The following SAFB variants were observed in gnomAD, a reference collection of about 807,000 sequenced individuals.
SAFB encodes the protein scaffold attachment factor B.
Under a neutral mutation model 101.6 loss-of-function variants are expected in SAFB, and 15 were observed. The observed-to-expected ratio is 0.15, with a 90% CI of 0.10 to 0.23. The LOEUF (loss-of-function observed/expected upper bound fraction) is 0.23. Ranked by LOEUF, SAFB falls within the 10% of genes least tolerant of loss-of-function variation. SAFB has a pLI of 1.00. For missense variants in SAFB, 930 were observed against 1,104.1 expected (o/e 0.84, Z 2.23); for synonymous variants, 449 against 407.5 (o/e 1.10, Z -1.23).
At chr19:5,632,706 A>G (rs2053516155) in intron 2 of SAFB, among the ~76,000 whole-genome samples, 1 of 152,318 alleles carries the variant, frequency 6.6e-6, no homozygotes, top group African/African-American at 2.4e-5. Flanking sequence ...TACGCTTGTC[A>G]GAAATACACC....
chr19:5,623,463 C>T, intron 1 of SAFB, 69 bp downstream of exon 1: 2 of 1,367,556 alleles, frequency 1.5e-6, no homozygotes, highest in South Asian at 1.4e-5. Context: ...CGGTGGCTCG[C>T]GGGCCCTGGC....
chr19:5,651,133 T>C, intron 9 of SAFB, 61 bp downstream of exon 9: 2 of 1,041,956 alleles, frequency 1.9e-6, no homozygotes, highest in African/African-American at 1.6e-5. Context: ...GGCCTTTACA[T>C]GGAGGTCCTC....
intron 15 of SAFB, among the ~76,000 whole-genome samples, chr19:5,663,165 G>A (rs1335062765): frequency 6.6e-6 from 1 of 151,410 alleles, no homozygotes. Flanking sequence ...ACCACACCCG[G>A]CTAATTTTTT....
rs1017687526 is a variant in SAFB at position 5,638,824 on chromosome 19, C to T, written c.275-2770C>T. 9.4e-5 allele frequency among the ~76,000 whole-genome samples: 14 copies of T among 149,688 alleles called. 1 individual carries two copies. The highest frequency in any genetic ancestry group is 3.4e-3 in the Middle Eastern group (1 of 290). On this transcript the variant is annotated intron_variant, in intron 2 of 20. Transcript: ENST00000588852. The stretch of plus-strand genomic sequence containing the variant: ...GCAATTTCCACTTCCCGGGTTCAAG[C>T]GATTCTCCTGCCTCATCCTCCCCAA...
chr19:5,647,929 T>C, intron 5 of SAFB, 87 bp from the exon 6 acceptor site: 1 of 1,230,984 alleles, frequency 8.1e-7, no homozygotes, highest in East Asian at 2.3e-5. Flanking sequence ...TTTTTAAAAT[T>C]CCCTCTTTAG....
intron 4 of SAFB, among the ~76,000 whole-genome samples, 154 bp from the exon 5 acceptor site, chr19:5,645,183 C>T (rs556462790): frequency 6.6e-6 from 1 of 152,296 alleles, no homozygotes; most frequent in South Asian, 2.1e-4. Context: ...AGTTTAGCTG[C>T]AATTATACTA....
At chr19:5,657,494 G>C in intron 14 of SAFB, 147 bp downstream of exon 14, 1 of 588,658 alleles carries the variant, frequency 1.7e-6, no homozygotes, top group East Asian at 3.0e-5. Flanking sequence ...GACTTGTTAT[G>C]TTTTAACTTT....
chr19:5,623,446 G>C lies in SAFB; in HGVS notation c.189+52G>C, dbSNP rs1346746317. On this transcript the variant is annotated intron_variant, in intron 1 of 20. Coordinates refer to ENST00000588852, the MANE Select transcript of SAFB (RefSeq NM_001201338.2). ...ACAGGGTGGGTCTGGGGTCCTCTTG[G>C]CCGCGACGGTGGCTCGCGGGCCCTG... 3 of 1,499,154 alleles carry C rather than the reference G, an allele frequency of 2.0e-6. No homozygotes were observed. In the African/African-American group the frequency reaches 4.3e-5, roughly 22 times the overall value. 92.9% of individuals were successfully genotyped at this position (1,499,154 alleles called of 1,614,324 possible).
At chr19:5,647,473 AC>A (rs968035403) in intron 5 of SAFB, among the ~76,000 whole-genome samples, 1 of 152,136 alleles carries the variant, frequency 6.6e-6, no homozygotes, top group Non-Finnish European at 1.5e-5. Flanking sequence ...AGTCTGAATG[AC>A]TTCTAGAACT....
rs1157755562 is a variant in SAFB at position 5,668,156 on chromosome 19, TC to T, written c.2625-4del. 3 of 1,606,238 alleles carry T rather than the reference TC, an allele frequency of 1.9e-6. No homozygotes were observed. Among genetic ancestry groups the T allele is most frequent in the Non-Finnish European group, 2.5e-6 (3 of 1,177,222 alleles). On this transcript the variant is annotated splice_polypyrimidine_tract_variant and splice_region_variant and intron_variant, in intron 20 of 20. Coordinates refer to ENST00000588852, the MANE Select transcript of SAFB (RefSeq NM_001201338.2). Reference sequence around the variant, plus strand: ...CGCAGTCAAACCAATGTGAATTTGTTCCTAGGCGCGGCAGCTTTGCCCCAGG... The same window carrying T: ...CGCAGTCAAACCAATGTGAATTTGTTCTAGGCGCGGCAGCTTTGCCCCAGG...
Position 5,651,062 on chromosome 19 carries a change from A to T in SAFB, c.1283A>T (p.Lys428Ile). Reference protein sequence around the residue: ...RATDLKNLFSKYGKVVGAKVV... With the variant: ...RATDLKNLFSIYGKVVGAKVV... The stretch of plus-strand genomic sequence containing the variant: ...ACAGATTTGAAGAATCTTTTCAGCA[A>T]ATATGGGAAGGTAAGTGCCAGAGCT... Residue 428 changes from lysine to isoleucine, a missense_variant, in exon 9 of 21, where the codon AAA becomes ATA. Coordinates refer to ENST00000588852, the MANE Select transcript of SAFB (RefSeq NM_001201338.2). 1 of 1,603,578 alleles carries T rather than the reference A, an allele frequency of 6.2e-7. No individual in the cohort carries two copies. Among genetic ancestry groups the T allele is most frequent in the Non-Finnish European group, 8.5e-7 (1 of 1,173,236 alleles).
At chr19:5,624,371 C>G (rs1271440123) in intron 1 of SAFB, among the ~76,000 whole-genome samples, 1 of 152,140 alleles carries the variant, frequency 6.6e-6, no homozygotes, top group African/African-American at 2.4e-5. Flanking sequence ...CGCTTTTCCT[C>G]TCTGTGCCAC....
intron 2 of SAFB, among the ~76,000 whole-genome samples, chr19:5,629,555 C>T (rs2053444113): frequency 6.6e-6 from 1 of 152,074 alleles, no homozygotes; most frequent in South Asian, 2.1e-4. Flanking sequence ...TGAATAAATA[C>T]ACAATTTAGC....
At position 5,641,844 on chromosome 19, in the gene SAFB, C is replaced by T. The variant is rs745473423; in HGVS notation, c.444C>T (p.Val148=). ...EIDNGSVADC[V]EDDDADNLQE... ...ATAATGGAAGCGTTGCAGATTGTGT[C>T]GAAGACGATGATGCTGATAACCTCC... Residue 148 remains valine, a synonymous_variant, in exon 4 of 21, where the codon GTC becomes GTT. Coordinates refer to ENST00000588852, the MANE Select transcript of SAFB (RefSeq NM_001201338.2). 321 of 1,613,882 alleles carry T rather than the reference C, an allele frequency of 2.0e-4. No individual in the cohort carries two copies. The highest frequency in any genetic ancestry group is 2.6e-4 in the Non-Finnish European group (308 of 1,179,964).
chr19:5,623,678 C>CCCCT (rs1275757161), intron 1 of SAFB, among the ~76,000 whole-genome samples: 1 of 152,118 alleles, frequency 6.6e-6, no homozygotes, highest in Non-Finnish European at 1.5e-5. Flanking sequence ...GGAGGGTTCT[C>CCCCT]CCCTCGTCTC....
At position 5,668,375 on chromosome 19, in the gene SAFB, T is replaced by C; in HGVS notation, c.*84T>C. ...CCTTAAACTGTGTAAAAATATTTTT[T>C]TTTAATCTGCTGCCATATTGTAGCT... On this transcript the variant is annotated 3_prime_UTR_variant, in exon 21 of 21. Transcript: ENST00000588852. 2.1e-6 allele frequency: 3 copies of C among 1,459,350 alleles called. No individual in the cohort carries two copies. Among genetic ancestry groups the C allele is most frequent in the Non-Finnish European group, 1.8e-6 (2 of 1,096,992 alleles). 90.4% of individuals were successfully genotyped at this position (1,459,350 alleles called of 1,614,324 possible). A position where few individuals can be genotyped will look rare whatever the true frequency, so the allele number is the denominator to read the frequency against.
At chr19:5,656,209 TC>T (rs78281872) in intron 13 of SAFB, among the ~76,000 whole-genome samples, 2 of 152,288 alleles carry the variant, frequency 1.3e-5, no homozygotes, top group East Asian at 3.9e-4. Flanking sequence ...ACCTGATTCT[TC>T]CTGTTCCCCT....
At chr19:5,666,060 C>G (rs1422779636) in intron 17 of SAFB, 2 of 152,170 alleles carry the variant, frequency 1.3e-5, no homozygotes, top group African/African-American at 4.8e-5. Context: ...AACAACCAGC[C>G]TGTGTCAAGG....
chr19:5,655,196 T>C (rs2054028933), intron 13 of SAFB, among the ~76,000 whole-genome samples: 1 of 152,108 alleles, frequency 6.6e-6, no homozygotes, highest in Non-Finnish European at 1.5e-5. Flanking sequence ...TGGTGGCTCA[T>C]GCCTGTAATC....
Sources: allele counts gnomAD v4.1 joint callset (sites outside exome capture counted in the v4.1 genomes callset), GRCh38; gene constraint gnomAD v4.1.1; transcripts MANE v1.5; gene names NCBI Gene and HGNC (gene_info 2026-07-23, HGNC 2026-07-21).